SLC7A1: variants seen among roughly 807,000 people sequenced by gnomAD.
SLC7A1 encodes solute carrier family 7 member 1.
SLC7A1 carries 10 observed loss-of-function variants against 53.9 expected under a neutral mutation model. The ratio of observed to expected loss-of-function variants is 0.19; its 90% CI spans 0.11 to 0.31. The LOEUF is 0.31. Among genes scored for constraint, SLC7A1 ranks in the 10% least tolerant of loss-of-function variants. SLC7A1 has a pLI of 1.00. For synonymous variants in SLC7A1, 342 were observed against 338.7 expected (o/e 1.01, Z -0.11); for missense variants, 525 against 827.2 (o/e 0.63, Z 4.48).
At chr13:29,515,877 G>C (rs371527516) in intron 12 of SLC7A1, among the ~76,000 whole-genome samples, 11 of 152,228 alleles carry the variant, frequency 7.2e-5, no homozygotes, top group Non-Finnish European at 1.3e-4. Flanking sequence ...AAAATAACTG[G>C]TACCTTATCT....
At chr13:29,590,350 C>T (rs1872057289) in intron 1 of SLC7A1, among the ~76,000 whole-genome samples, 1 of 152,168 alleles carries the variant, frequency 6.6e-6, no homozygotes, top group African/African-American at 2.4e-5. Context: ...CAGTCACTCC[C>T]GTCCTGCCCC....
At chr13:29,542,406 G>T (rs1593555161) in intron 2 of SLC7A1, among the ~76,000 whole-genome samples, 1 of 152,242 alleles carries the variant, frequency 6.6e-6, no homozygotes, top group East Asian at 1.9e-4. Flanking sequence ...AGTGAGCCGA[G>T]ATCACGCCAT....
At chr13:29,522,676 T>G (rs1442138321) in intron 7 of SLC7A1, among the ~76,000 whole-genome samples, 1 of 152,196 alleles carries the variant, frequency 6.6e-6, no homozygotes, top group African/African-American at 2.4e-5. Context: ...AGGTAAAGAA[T>G]AGGGAACATC....
intron 11 of SLC7A1, 103 bp from the exon 12 acceptor site, chr13:29,516,349 C>A (rs935429999): frequency 2.7e-6 from 2 of 742,560 alleles, no homozygotes; most frequent in Non-Finnish European, 4.6e-6. Context: ...TGACAGGGAC[C>A]GTCGGGCGAG....
chr13:29,525,946 G>A (rs1057201792), intron 5 of SLC7A1, among the ~76,000 whole-genome samples: 15 of 152,180 alleles, frequency 9.9e-5, no homozygotes, highest in African/African-American at 3.6e-4. Flanking sequence ...AGGCCCCGCC[G>A]GCCACCCACT....
At chr13:29,588,076 C>G (rs1871961121) in intron 1 of SLC7A1, among the ~76,000 whole-genome samples, 1 of 152,290 alleles carries the variant, frequency 6.6e-6, no homozygotes, top group East Asian at 1.9e-4. Flanking sequence ...AACACTTTTT[C>G]TTAAAAAGGC....
At chr13:29,575,588 G>A (rs1408591011) in intron 1 of SLC7A1, among the ~76,000 whole-genome samples, 1 of 152,166 alleles carries the variant, frequency 6.6e-6, no homozygotes, top group Non-Finnish European at 1.5e-5. Flanking sequence ...TAAAACAAAT[G>A]TGCCATACTT....
chr13:29,546,721 GA>G (rs1187507444), intron 2 of SLC7A1, among the ~76,000 whole-genome samples: 2 of 151,758 alleles, frequency 1.3e-5, no homozygotes, highest in Non-Finnish European at 2.9e-5. Context: ...TTTTTTTTGT[GA>G]AAAAAACTTG....
rs536261082 is a variant in SLC7A1, at chr13:29,553,373, C to T, written c.-15+388G>A. Among the ~76,000 whole-genome samples the T allele has an allele frequency of 2.0e-5, 3 of 152,284 alleles. No individual in the cohort carries two copies. The South Asian group carries it at 6.2e-4, about 32-fold the overall frequency. The stretch of plus-strand genomic sequence containing the variant: ...GTGGCACACAGAGCACGAGACACAG[C>T]GCCCAATGTCCATGCCAGGAATGAT... On this transcript the variant is annotated intron_variant, in intron 2 of 12. Transcript: ENST00000380752.
chr13:29,561,850 C>G (rs369838532), intron 1 of SLC7A1, among the ~76,000 whole-genome samples: 1 of 152,180 alleles, frequency 6.6e-6, no homozygotes, highest in African/African-American at 2.4e-5. Flanking sequence ...ACCATCCCAG[C>G]GGCTGTTCTG....
At position 29,569,888 on chromosome 13, in the gene SLC7A1, A is replaced by G. The variant is rs186196012; in HGVS notation, c.-114-16028T>C. Among the ~76,000 whole-genome samples, 275 of 152,316 alleles carry G rather than the reference A, an allele frequency of 1.8e-3. 3 individuals are homozygous for G. The highest frequency in any genetic ancestry group is 6.3e-3 in the African/African-American group (261 of 41,576). On this transcript the variant is annotated intron_variant, in intron 1 of 12. Transcript: ENST00000380752. ...GGCAGGAGTCGCCCCAAAGGCCCGC[A>G]GATCCACCTCCATGGCTGGCCAGGC...
chr13:29,542,315 C>T (rs61092195), intron 2 of SLC7A1, among the ~76,000 whole-genome samples: 2,619 of 152,040 alleles, frequency 0.017, 70 homozygotes, highest in African/African-American at 0.059. Context: ...ATTAGCTGGG[C>T]GTGGTGGCAG....
At chr13:29,539,183 TC>T (rs10712529) in intron 2 of SLC7A1, among the ~76,000 whole-genome samples, 42,444 of 152,014 alleles carry the variant, frequency 0.28, 6,307 homozygotes, top group Middle Eastern at 0.33. Context: ...TGCACTCCTT[TC>T]TCAAAAACGT....
chr13:29,583,735 A>C (rs1164174158), intron 1 of SLC7A1, among the ~76,000 whole-genome samples: 2 of 152,230 alleles, frequency 1.3e-5, no homozygotes, highest in African/African-American at 4.8e-5. Context: ...ATCCCAGCAC[A>C]AATTAGATCT....
At chr13:29,555,733 T>C (rs1870412259) in intron 1 of SLC7A1, among the ~76,000 whole-genome samples, 1 of 152,186 alleles carries the variant, frequency 6.6e-6, no homozygotes, top group Non-Finnish European at 1.5e-5. Context: ...TGATAAAATT[T>C]GAACTTTCAA....
At chr13:29,520,571 G>T (rs1289603971) in intron 8 of SLC7A1, among the ~76,000 whole-genome samples, 1 of 152,122 alleles carries the variant, frequency 6.6e-6, no homozygotes, top group Non-Finnish European at 1.5e-5. Context: ...GAGAGTATAC[G>T]TGTCTATTCA....
At chr13:29,530,758 A>T in intron 4 of SLC7A1, 46 bp from the exon 5 acceptor site, 2 of 1,553,698 alleles carry the variant, frequency 1.3e-6, no homozygotes, top group Non-Finnish European at 1.8e-6. Flanking sequence ...TGTTAACCAC[A>T]AACTGGGAAG....
At chr13:29,536,291 A>G (rs1869415853) in intron 2 of SLC7A1, 89 bp from the exon 3 acceptor site, 5 of 1,292,614 alleles carry the variant, frequency 3.9e-6, no homozygotes. Flanking sequence ...ACAGACAGTG[A>G]TCAGGTCCTT....
chr13:29,561,054 G>A (rs1325431107), intron 1 of SLC7A1, among the ~76,000 whole-genome samples: 6 of 152,180 alleles, frequency 3.9e-5, no homozygotes, highest in Non-Finnish European at 7.3e-5. Context: ...CAACAGTTAT[G>A]TACTGAGTGC....
Sources: gnomAD v4.1 joint callset for allele counts (sites outside exome capture counted in the v4.1 genomes callset) on GRCh38, gnomAD v4.1.1 for gene constraint, MANE v1.5 for transcripts, NCBI Gene and HGNC (gene_info 2026-07-23, HGNC 2026-07-21) for gene names.